Variants in UBL3 observed in about 807,000 individuals in gnomAD.
UBL3 encodes the protein ubiquitin-like protein 3.
Under a neutral mutation model 18.4 loss-of-function variants are expected in UBL3, and 6 were observed. The ratio of observed to expected loss-of-function variants is 0.33; its 90% CI spans 0.18 to 0.64. The LOEUF is 0.64. UBL3 is among the 30% of genes least tolerant of loss of function. The probability of loss-of-function intolerance (pLI) is 0.76; values close to 1 mark genes in which losing one functional copy is unlikely to be tolerated. For synonymous variants in UBL3, 49 were observed against 46.6 expected (o/e 1.05, Z -0.21); for missense variants, 109 against 142.9 (o/e 0.76, Z 1.21).
In UBL3 at chr13:29,773,005, T is replaced by C. The variant is rs9579485; in HGVS notation, c.137-807A>G. ...TAGGGTAAAGGTTTAGTAATTTTCA[T>C]GAGCTTGCAGATGTAACAATTTAAG... On this transcript the variant is annotated intron_variant, in intron 2 of 4. Coordinates refer to ENST00000380680, the MANE Select transcript of UBL3 (RefSeq NM_007106.4). Among the ~76,000 whole-genome samples, 413 of 152,322 alleles carry C rather than the reference T, an allele frequency of 2.7e-3. 1 individual carries two copies. The highest frequency in any genetic ancestry group is 5.8e-3 in the Admixed American group (89 of 15,298).
At chr13:29,827,416 T>G (rs972744523) in intron 1 of UBL3, among the ~76,000 whole-genome samples, 1 of 152,256 alleles carries the variant, frequency 6.6e-6, no homozygotes, top group Non-Finnish European at 1.5e-5. Context: ...CTTGTTGAAT[T>G]GATCCCTTTA....
intron 1 of UBL3, among the ~76,000 whole-genome samples, chr13:29,796,321 A>G (rs1877612675): frequency 6.6e-6 from 1 of 152,226 alleles, no homozygotes; most frequent in Non-Finnish European, 1.5e-5. Flanking sequence ...GTTACCTTTA[A>G]GTTTTTACTT....
intron 1 of UBL3, among the ~76,000 whole-genome samples, chr13:29,835,125 A>AATATATAT (rs59643985): frequency 2.1e-4 from 5 of 23,434 alleles, no homozygotes; most frequent in Middle Eastern, 0.022. Flanking sequence ...TATATATATA[A>AATATATAT]ATATATATAT....
intron 1 of UBL3, among the ~76,000 whole-genome samples, chr13:29,801,211 G>T (rs906687492): frequency 6.6e-6 from 1 of 152,128 alleles, no homozygotes; most frequent in African/African-American, 2.4e-5. Context: ...GAGGAGCCCA[G>T]TCTCTTTTCT....
chr13:29,848,805 C>T (rs956726859), intron 1 of UBL3, among the ~76,000 whole-genome samples: 2 of 152,156 alleles, frequency 1.3e-5, no homozygotes, highest in African/African-American at 4.8e-5. Context: ...CTTTTTGTTT[C>T]AAGTTCTCAA....
At chr13:29,820,599 C>T (rs908428309) in intron 1 of UBL3, among the ~76,000 whole-genome samples, 2 of 152,122 alleles carry the variant, frequency 1.3e-5, no homozygotes, top group African/African-American at 4.8e-5. Context: ...TAGTATTAAA[C>T]ATTTAAAAAC....
chr13:29,793,935 C>A (rs1030417672), intron 1 of UBL3, among the ~76,000 whole-genome samples: 2 of 152,156 alleles, frequency 1.3e-5, no homozygotes, highest in Non-Finnish European at 2.9e-5. Context: ...ACCTCCACCC[C>A]CCAGGTTCAA....
At chr13:29,782,922 A>C (rs73446257) in intron 1 of UBL3, among the ~76,000 whole-genome samples, 3,037 of 152,348 alleles carry the variant, frequency 0.02, 94 homozygotes, top group African/African-American at 0.069. Flanking sequence ...TGCCTGAAAC[A>C]TCCAGTGCCT....
At chr13:29,790,985 C>T (rs548742496) in intron 1 of UBL3, among the ~76,000 whole-genome samples, 7 of 152,270 alleles carry the variant, frequency 4.6e-5, no homozygotes, top group African/African-American at 1.2e-4. Context: ...ATCCATGAAG[C>T]GCCATTTTCA....
intron 1 of UBL3, among the ~76,000 whole-genome samples, chr13:29,815,931 T>C (rs964930412): frequency 2.0e-5 from 3 of 152,178 alleles, no homozygotes; most frequent in East Asian, 3.9e-4. Context: ...CCTTTCAATA[T>C]CTATCAAATA....
intron 1 of UBL3, among the ~76,000 whole-genome samples, chr13:29,825,628 T>C (rs899679775): frequency 1.2e-4 from 18 of 152,228 alleles, no homozygotes; most frequent in African/African-American, 4.3e-4. Flanking sequence ...TTTCTAAATA[T>C]ACAATCATGT....
At chr13:29,817,349 G>A (rs954367977) in intron 1 of UBL3, among the ~76,000 whole-genome samples, 2 of 152,140 alleles carry the variant, frequency 1.3e-5, no homozygotes, top group African/African-American at 4.8e-5. Context: ...CTTATCTGAT[G>A]GATAAATGGG....
chr13:29,828,972 G>A (rs2761934), intron 1 of UBL3, among the ~76,000 whole-genome samples: 15,596 of 152,212 alleles, frequency 0.1, 979 homozygotes, highest in African/African-American at 0.17. Context: ...TATCAGCAGC[G>A]GAGGCTGCAG....
chr13:29,772,056 G>A lies in UBL3; in HGVS notation c.223+56C>T, dbSNP rs1481469370. ...TCAAAGACATTAACATTTAAAACAA[G>A]CGAATCATGCTACCATGAGACAGAC... On this transcript the variant is annotated intron_variant, in intron 3 of 4. Coordinates refer to ENST00000380680, the MANE Select transcript of UBL3 (RefSeq NM_007106.4). 2.1e-6 allele frequency: 3 copies of A among 1,427,078 alleles called. No homozygotes were observed. In the Admixed American group the frequency reaches 5.9e-5, roughly 28 times the overall value. 88.4% of individuals were successfully genotyped at this position (1,427,078 alleles called of 1,614,324 possible).
chr13:29,774,585 C>T (rs1268115283), intron 2 of UBL3, among the ~76,000 whole-genome samples: 1 of 151,888 alleles, frequency 6.6e-6, no homozygotes, highest in East Asian at 1.9e-4. Flanking sequence ...TAGCTATAAC[C>T]TTTATAGCTT....
rs755886113 is a variant in UBL3 at position 29,780,390 on chromosome 13, A to ATATATATGTG, written c.28-3128_28-3127insCACATATATA. On this transcript the variant is annotated intron_variant, in intron 1 of 4. Coordinates refer to ENST00000380680, the MANE Select transcript of UBL3 (RefSeq NM_007106.4). ...AAAATATATATATATATATATATATATGTGTGTGTGTGTGTGTATATATAT... is the reference window on the plus strand; with the variant it reads ...AAAATATATATATATATATATATATATATATATGTGTGTGTGTGTGTGTGTGTATATATAT... Among the ~76,000 whole-genome samples, 181 of 92,132 alleles carry ATATATATGTG rather than the reference A, an allele frequency of 2.0e-3. 1 individual carries two copies. Among genetic ancestry groups the ATATATATGTG allele is most frequent in the African/African-American group, 7.0e-3 (174 of 24,878 alleles). 60.4% of individuals were successfully genotyped at this position (92,132 alleles called of 152,430 possible).
chr13:29,823,148 C>CT (rs910476817), intron 1 of UBL3, among the ~76,000 whole-genome samples: 13 of 151,958 alleles, frequency 8.6e-5, no homozygotes, highest in African/African-American at 2.2e-4. Flanking sequence ...GTTTTGTTTT[C>CT]TTTTTTTTCT....
intron 2 of UBL3, among the ~76,000 whole-genome samples, chr13:29,772,774 A>C (rs904482752): frequency 6.6e-6 from 1 of 152,150 alleles, no homozygotes; most frequent in Non-Finnish European, 1.5e-5. Flanking sequence ...CCCAAAATGA[A>C]GACTTGGAAG....
Position 29,849,861 on chromosome 13 carries a change from C to T in UBL3, c.-323G>A, listed in dbSNP as rs1396245988. 3 of 509,174 alleles carry T rather than the reference C, an allele frequency of 5.9e-6. No homozygotes were observed. The highest frequency in any genetic ancestry group is 2.1e-5 in the South Asian group (1 of 47,534). 31.5% of individuals were successfully genotyped at this position (509,174 alleles called of 1,614,324 possible). On this transcript the variant is annotated 5_prime_UTR_variant, in exon 1 of 5. In the 5' UTR this introduces an upstream ATG that the reference lacks. Coordinates refer to ENST00000380680, the MANE Select transcript of UBL3 (RefSeq NM_007106.4). ...CAGGTGGACCGAGCCGAGTGACACA[C>T]GGACATGGAGAGGGGTGGGAGGGGG... is the stretch of plus-strand genomic sequence containing the variant.
Sources: allele counts gnomAD v4.1 joint callset (sites outside exome capture counted in the v4.1 genomes callset), GRCh38; gene constraint gnomAD v4.1.1; transcripts MANE v1.5; gene names NCBI Gene and HGNC (gene_info 2026-07-23, HGNC 2026-07-21).